Variants in INTS4 observed in about 807,000 individuals in gnomAD.
INTS4 encodes the protein integrator complex subunit 4.
In INTS4, 70 loss-of-function variants were observed where a neutral mutation model predicts 119.5. The ratio of observed to expected loss-of-function variants is 0.59; its 90% CI spans 0.48 to 0.71. INTS4 has a LOEUF of 0.71. Among genes scored for constraint, INTS4 ranks in the 30% least tolerant of loss-of-function variants. The pLI is 0.00. For missense variants in INTS4, 867 were observed against 1,173.2 expected, an observed-to-expected ratio of 0.74 and a Z score of 3.81; for synonymous variants, 316 against 419.6, an observed-to-expected ratio of 0.75 and a Z score of 3.02.
rs1420038697 is a variant in INTS4, at chr11:77,918,907, C to G, written c.1836G>C (p.Gln612His). 1 of 1,613,976 alleles carries G rather than the reference C, an allele frequency of 6.2e-7. No individual in the cohort carries two copies. Among genetic ancestry groups the G allele is most frequent in the Non-Finnish European group, 8.5e-7 (1 of 1,179,880 alleles). Reference protein sequence around the residue: ...SIIPQEDPSQQFLQQSLERVY... With the variant: ...SIIPQEDPSQHFLQQSLERVY... The stretch of plus-strand genomic sequence containing the variant: ...CTCTTTCAAGGCTCTGCTGCAGGAA[C>G]TGCTGGGAAGGATCCTCTTGAGGTA... Residue 612 changes from glutamine to histidine, a missense_variant, in exon 15 of 23, where the codon CAG becomes CAC. Gln to His is a conservative substitution (Grantham distance 24, BLOSUM62 0). This residue lies in a region of INTS4 where 262 missense variants were observed against 376.0 expected (regional missense o/e 0.70). Coordinates refer to ENST00000534064, the MANE Select transcript of INTS4 (RefSeq NM_033547.4).
intron 16 of INTS4, among the ~76,000 whole-genome samples, chr11:77,906,040 T>A (rs12272216): frequency 0.046 from 6,995 of 152,290 alleles, 225 homozygotes; most frequent in Middle Eastern, 0.078. Flanking sequence ...TTAAATTTTT[T>A]AAATTATTTC....
At chr11:77,891,107 T>C (rs1952243338) in intron 21 of INTS4, among the ~76,000 whole-genome samples, 1 of 152,142 alleles carries the variant, frequency 6.6e-6, no homozygotes, top group South Asian at 2.1e-4. Context: ...TATTTGTCAG[T>C]TGTAGAATCT....
At chr11:77,917,340 G>A (rs1953228365) in intron 15 of INTS4, among the ~76,000 whole-genome samples, 1 of 149,398 alleles carries the variant, frequency 6.7e-6, no homozygotes, top group Non-Finnish European at 1.5e-5. Flanking sequence ...TTGAGATGGA[G>A]TCTCACTCTG....
chr11:77,969,085 C>T (rs529924243), intron 4 of INTS4, among the ~76,000 whole-genome samples: 1 of 151,894 alleles, frequency 6.6e-6, no homozygotes, highest in Non-Finnish European at 1.5e-5. Context: ...CTGGGATTAC[C>T]ACCACACCCG....
chr11:77,937,986 T>G (rs1953842084), intron 10 of INTS4, among the ~76,000 whole-genome samples: 1 of 152,222 alleles, frequency 6.6e-6, no homozygotes, highest in African/African-American at 2.4e-5. Context: ...CAGCTGAGAT[T>G]ACAGGTGTAT....
At chr11:77,952,859 A>AT (rs1368624838) in intron 8 of INTS4, among the ~76,000 whole-genome samples, 3 of 152,204 alleles carry the variant, frequency 2.0e-5, no homozygotes, top group African/African-American at 7.2e-5. Context: ...AAGATATATC[A>AT]TTAATTTACT....
intron 4 of INTS4, 38 bp from the exon 5 acceptor site, chr11:77,961,176 A>T: frequency 6.6e-7 from 1 of 1,515,898 alleles, no homozygotes; most frequent in Non-Finnish European, 8.8e-7. Context: ...AAAGAAAAAG[A>T]AAAAAAGGAC....
chr11:77,994,063 C>A (rs949232902), intron 1 of INTS4, among the ~76,000 whole-genome samples: 2 of 152,048 alleles, frequency 1.3e-5, no homozygotes, highest in Non-Finnish European at 2.9e-5. Flanking sequence ...GAGAGCTCTT[C>A]CCCTATGAAG....
chr11:77,907,659 G>T, intron 16 of INTS4, 58 bp downstream of exon 16: 1 of 1,258,054 alleles, frequency 7.9e-7, no homozygotes, highest in Non-Finnish European at 1.2e-6. Flanking sequence ...CACACTGCTG[G>T]ATCCACAAAG....
intron 5 of INTS4, among the ~76,000 whole-genome samples, 192 bp from the exon 6 acceptor site, chr11:77,960,583 C>T (rs565384832): frequency 5.9e-5 from 9 of 152,066 alleles, no homozygotes; most frequent in Admixed American, 4.6e-4. Flanking sequence ...CAAATCTAAC[C>T]CATGGACTGT....
chr11:77,987,964 T>C (rs1856520825), intron 2 of INTS4, among the ~76,000 whole-genome samples: 1 of 152,180 alleles, frequency 6.6e-6, no homozygotes, highest in African/African-American at 2.4e-5. Flanking sequence ...GAGACCAACC[T>C]TGGTAACATG....
At chr11:77,881,212 T>C (rs890182979) in intron 22 of INTS4, among the ~76,000 whole-genome samples, 4 of 152,212 alleles carry the variant, frequency 2.6e-5, no homozygotes, top group Non-Finnish European at 5.9e-5. Flanking sequence ...CTTATTCTCA[T>C]CTTAATGAGA....
At chr11:77,943,923 G>A (rs1858774554) in intron 8 of INTS4, among the ~76,000 whole-genome samples, 1 of 152,280 alleles carries the variant, frequency 6.6e-6, no homozygotes, top group East Asian at 1.9e-4. Context: ...CATTTACCCT[G>A]GGAAAGACCA....
chr11:77,903,439 G>C, intron 17 of INTS4, 101 bp downstream of exon 17: 2 of 1,606,060 alleles, frequency 1.2e-6, no homozygotes, highest in Non-Finnish European at 1.7e-6. Flanking sequence ...TTTCCTGCAA[G>C]GCCTACACAG....
chr11:77,919,587 C>T (rs1370229401), intron 14 of INTS4, among the ~76,000 whole-genome samples: 1 of 152,138 alleles, frequency 6.6e-6, no homozygotes, highest in African/African-American at 2.4e-5. Context: ...CACCCGGCCA[C>T]ATTTATCTTT....
chr11:77,926,828 G>C (rs200678061), intron 11 of INTS4, among the ~76,000 whole-genome samples: 2 of 146,288 alleles, frequency 1.4e-5, no homozygotes, highest in Non-Finnish European at 3.0e-5. Context: ...AAAAAAAAAG[G>C]AAAGGAAAGG....
intron 6 of INTS4, among the ~76,000 whole-genome samples, chr11:77,959,300 C>T (rs1954406630): frequency 6.6e-6 from 1 of 152,354 alleles, no homozygotes; most frequent in East Asian, 1.9e-4. Flanking sequence ...CTACCCTTAG[C>T]TCTGATTTCT....
intron 2 of INTS4, among the ~76,000 whole-genome samples, chr11:77,981,854 G>C (rs941690484): frequency 6.6e-6 from 1 of 151,906 alleles, no homozygotes; most frequent in Non-Finnish European, 1.5e-5. Flanking sequence ...CTCTGCCGGG[G>C]AGACAGCTTT....
intron 16 of INTS4, among the ~76,000 whole-genome samples, chr11:77,907,438 A>T (rs1416072515): frequency 6.6e-6 from 1 of 152,212 alleles, no homozygotes; most frequent in Non-Finnish European, 1.5e-5. Context: ...ATCAAATTAT[A>T]CAAAACATTT....
Sources: allele counts gnomAD v4.1 joint callset (sites outside exome capture counted in the v4.1 genomes callset), GRCh38; gene constraint gnomAD v4.1.1; regional missense constraint gnomAD v4.1.1; transcripts MANE v1.5; gene names NCBI Gene and HGNC (gene_info 2026-07-23, HGNC 2026-07-21).